SLC4A10: variants seen among roughly 807,000 people sequenced by gnomAD.
SLC4A10 encodes sodium-driven chloride bicarbonate exchanger.
In SLC4A10, 42 loss-of-function variants were observed where a neutral mutation model predicts 137.7. The ratio of observed to expected loss-of-function variants is 0.30; its 90% CI spans 0.24 to 0.39. The LOEUF (loss-of-function observed/expected upper bound fraction) is 0.39, where lower values mean the gene tolerates loss of function less well. SLC4A10 is among the 10% of genes least tolerant of loss of function. SLC4A10 has a pLI of 1.00. For synonymous variants in SLC4A10, 474 were observed against 464.1 expected, an observed-to-expected ratio of 1.02 and a Z score of -0.27; for missense variants, 925 against 1,355.0, an observed-to-expected ratio of 0.68 and a Z score of 4.98.
At chr2:161,788,723 T>C (rs2125519119) in intron 2 of SLC4A10, among the ~76,000 whole-genome samples, 1 of 152,066 alleles carries the variant, frequency 6.6e-6, no homozygotes, top group East Asian at 1.9e-4. Flanking sequence ...GAGCAAACAG[T>C]TTTTCAACTT....
At chr2:161,952,921 T>C (rs896849481) in intron 19 of SLC4A10, among the ~76,000 whole-genome samples, 31 of 152,350 alleles carry the variant, frequency 2.0e-4, no homozygotes, top group South Asian at 4.1e-4. Context: ...TGTTGCTTCA[T>C]TGAAATGTTT....
At chr2:161,747,747 A>G (rs1008638658) in intron 1 of SLC4A10, among the ~76,000 whole-genome samples, 1 of 152,146 alleles carries the variant, frequency 6.6e-6, no homozygotes, top group Admixed American at 6.5e-5. Flanking sequence ...TGAATGCTGC[A>G]ATGAATATAG....
chr2:161,932,582 A>G (rs1332284687), intron 15 of SLC4A10, among the ~76,000 whole-genome samples: 1 of 152,124 alleles, frequency 6.6e-6, no homozygotes, highest in Non-Finnish European at 1.5e-5. Context: ...CTGAGTCCCA[A>G]ACTGGGACTC....
chr2:161,881,254 C>A (rs1262597491), intron 9 of SLC4A10, among the ~76,000 whole-genome samples: 1 of 151,790 alleles, frequency 6.6e-6, no homozygotes, highest in African/African-American at 2.4e-5. Context: ...GGAATGGAAA[C>A]CTGAAAAATA....
At chr2:161,663,220 A>G (rs2038652998) in intron 1 of SLC4A10, among the ~76,000 whole-genome samples, 1 of 152,214 alleles carries the variant, frequency 6.6e-6, no homozygotes, top group South Asian at 2.1e-4. Context: ...GAACCAAATT[A>G]GAGGAAAACA....
At chr2:161,880,004 T>G (rs2061666976) in intron 9 of SLC4A10, among the ~76,000 whole-genome samples, 1 of 151,846 alleles carries the variant, frequency 6.6e-6, no homozygotes, top group Non-Finnish European at 1.5e-5. Flanking sequence ...AAGAAAAAGA[T>G]AAAAAAAAGA....
At chr2:161,704,252 G>A (rs1344036624) in intron 1 of SLC4A10, among the ~76,000 whole-genome samples, 5 of 151,490 alleles carry the variant, frequency 3.3e-5, no homozygotes, top group African/African-American at 7.3e-5. Flanking sequence ...TGTCAAAAAC[G>A]GTCTGTACTA....
chr2:161,698,702 T>G (rs374058792), intron 1 of SLC4A10, among the ~76,000 whole-genome samples: 20 of 152,318 alleles, frequency 1.3e-4, no homozygotes, highest in African/African-American at 4.8e-4. Context: ...TGCTGGATTC[T>G]GTTTGCCAGT....
At chr2:161,692,128 A>G (rs1367097183) in intron 1 of SLC4A10, among the ~76,000 whole-genome samples, 1 of 152,026 alleles carries the variant, frequency 6.6e-6, no homozygotes, top group Admixed American at 6.6e-5. Flanking sequence ...AAAAGAAAAG[A>G]GCAGTGGAGT....
chr2:161,816,334 T>A (rs1294245633), intron 3 of SLC4A10, among the ~76,000 whole-genome samples: 2 of 152,066 alleles, frequency 1.3e-5, no homozygotes, highest in African/African-American at 2.4e-5. Flanking sequence ...TTTAAGAGAG[T>A]ATCAGGTCTC....
intron 9 of SLC4A10, among the ~76,000 whole-genome samples, chr2:161,881,133 G>C (rs1036261796): frequency 2.0e-5 from 3 of 151,944 alleles, no homozygotes; most frequent in South Asian, 2.1e-4. Flanking sequence ...AGCCATTCAG[G>C]GTTTCTTATT....
chr2:161,807,927 G>C (rs976205884), intron 3 of SLC4A10, among the ~76,000 whole-genome samples: 2 of 151,998 alleles, frequency 1.3e-5, no homozygotes, highest in Non-Finnish European at 2.9e-5. Context: ...TTTTAACTCA[G>C]CACTTTGAAC....
Position 161,624,471 on chromosome 2 carries a change from C to T in SLC4A10, c.-48C>T, listed in dbSNP as rs781335080. ...CGAGTGCCGGGCTGAGTGTAAGACA[C>T]TGAAGACACTGCAGAGCAAGGTGCT... On this transcript the variant is annotated 5_prime_UTR_variant, in exon 1 of 27. Coordinates refer to ENST00000446997, the MANE Select transcript of SLC4A10 (RefSeq NM_001178015.2). 1.4e-5 allele frequency: 21 copies of T among 1,551,150 alleles called. No homozygotes were observed. The South Asian group carries it at 2.0e-4, about 15-fold the overall frequency.
At chr2:161,757,645 C>A (rs532414181) in intron 1 of SLC4A10, among the ~76,000 whole-genome samples, 1 of 152,214 alleles carries the variant, frequency 6.6e-6, no homozygotes, top group South Asian at 2.1e-4. Context: ...GGATGTGAAC[C>A]TTGGCGGTCT....
chr2:161,898,783 C>T (rs536336189), intron 11 of SLC4A10, among the ~76,000 whole-genome samples: 2 of 152,204 alleles, frequency 1.3e-5, no homozygotes, highest in Non-Finnish European at 2.9e-5. Flanking sequence ...TTACTCTGTA[C>T]CGCACTGATG....
chr2:161,696,150 A>G (rs1487549852), intron 1 of SLC4A10, among the ~76,000 whole-genome samples: 1 of 150,202 alleles, frequency 6.7e-6, no homozygotes, highest in African/African-American at 2.5e-5. Flanking sequence ...CCTATGCATG[A>G]GAACATGTGG....
At chr2:161,767,127 ATATATATATATATG>A (rs1297419898) in intron 1 of SLC4A10, among the ~76,000 whole-genome samples, 12 of 82,802 alleles carry the variant, frequency 1.4e-4, no homozygotes, top group African/African-American at 6.6e-4. Context: ...ATATATATAT[ATATATATATATATG>A]TGTGTGTGTG....
rs180899856 is a variant in SLC4A10 at position 161,697,589 on chromosome 2, C to T, written c.48+73023C>T. On this transcript the variant is annotated intron_variant, in intron 1 of 26. Transcript: ENST00000446997. ...TCTTGTCCCCATTTCTTGTTTTTGT[C>T]AGATTTGTCAAAGATCAGATGGCTG... Among the ~76,000 whole-genome samples, 678 of 152,266 alleles carry T rather than the reference C, an allele frequency of 4.5e-3. 4 individuals are homozygous for T. The highest frequency in any genetic ancestry group is 0.016 in the African/African-American group (647 of 41,540).
chr2:161,841,547 C>T (rs1043005201), intron 4 of SLC4A10, among the ~76,000 whole-genome samples: 2 of 152,156 alleles, frequency 1.3e-5, no homozygotes, highest in Non-Finnish European at 2.9e-5. Context: ...TGCATTTATT[C>T]ATTGACTTTA....
Sources: allele counts gnomAD v4.1 joint callset (sites outside exome capture counted in the v4.1 genomes callset), GRCh38; gene constraint gnomAD v4.1.1; transcripts MANE v1.5; gene names NCBI Gene and HGNC (gene_info 2026-07-23, HGNC 2026-07-21).